ZNF385B: variants seen among roughly 807,000 people sequenced by gnomAD.
The protein encoded by ZNF385B is zinc finger protein 533.
A neutral mutation model predicts 39.2 loss-of-function variants in ZNF385B; 23 were observed. The observed-to-expected ratio is 0.59, with a 90% confidence interval of 0.42 to 0.83. ZNF385B has a LOEUF of 0.83. Ranked by LOEUF, ZNF385B falls within the 40% of genes least tolerant of loss-of-function variation. ZNF385B has a pLI of 0.00. For missense variants in ZNF385B, 552 were observed against 598.9 expected, an observed-to-expected ratio of 0.92 and a Z score of 0.82; for synonymous variants, 205 against 222.6, an observed-to-expected ratio of 0.92 and a Z score of 0.70.
intron 5 of ZNF385B, among the ~76,000 whole-genome samples, chr2:179,514,417 C>A (rs934084364): frequency 6.6e-6 from 1 of 152,230 alleles, no homozygotes; most frequent in Non-Finnish European, 1.5e-5. Context: ...TTAATTCCAT[C>A]TACTACCTTA....
chr2:179,473,609 G>T (rs2053065139), intron 6 of ZNF385B, among the ~76,000 whole-genome samples: 1 of 152,222 alleles, frequency 6.6e-6, no homozygotes, highest in African/African-American at 2.4e-5. Context: ...GTGCCATGGT[G>T]GTTTGCTGCA....
chr2:179,453,870 C>T (rs2050404720), intron 6 of ZNF385B, among the ~76,000 whole-genome samples: 1 of 152,102 alleles, frequency 6.6e-6, no homozygotes, highest in African/African-American at 2.4e-5. Flanking sequence ...CACACATTGT[C>T]CCTGAGAGAG....
intron 3 of ZNF385B, among the ~76,000 whole-genome samples, chr2:179,599,519 GTTTTTAT>G (rs1173508217): frequency 1.3e-5 from 2 of 152,122 alleles, no homozygotes; most frequent in East Asian, 3.9e-4. Context: ...AAATAAGAAT[GTTTTTAT>G]AGTTTTATGT....
chr2:179,467,047 T>C (rs1467032688), intron 6 of ZNF385B, among the ~76,000 whole-genome samples: 1 of 151,778 alleles, frequency 6.6e-6, no homozygotes, highest in African/African-American at 2.4e-5. Flanking sequence ...CCCTACTCTT[T>C]AGGTAATAGA....
intron 3 of ZNF385B, among the ~76,000 whole-genome samples, chr2:179,574,517 T>C (rs1463740366): frequency 2.0e-5 from 3 of 152,138 alleles, no homozygotes; most frequent in African/African-American, 7.2e-5. Context: ...GAATAAACAA[T>C]GATAAAATCT....
At chr2:179,648,140 T>TG (rs933004198) in intron 3 of ZNF385B, among the ~76,000 whole-genome samples, 5 of 151,796 alleles carry the variant, frequency 3.3e-5, no homozygotes, top group African/African-American at 1.2e-4. Context: ...CAGCTTGCCA[T>TG]GGGGTATTGG....
At chr2:179,825,790 A>T (rs1707646330) in intron 1 of ZNF385B, among the ~76,000 whole-genome samples, 1 of 152,124 alleles carries the variant, frequency 6.6e-6, no homozygotes, top group Non-Finnish European at 1.5e-5. Flanking sequence ...CGCCATTTTC[A>T]AGGAAATGAG....
intron 3 of ZNF385B, among the ~76,000 whole-genome samples, chr2:179,743,400 A>G (rs940944658): frequency 6.6e-6 from 1 of 152,082 alleles, no homozygotes; most frequent in Admixed American, 6.6e-5. Flanking sequence ...CTGTATTTCA[A>G]TAATATTTTA....
At chr2:179,560,050 C>T (rs965950505) in intron 3 of ZNF385B, among the ~76,000 whole-genome samples, 1 of 152,038 alleles carries the variant, frequency 6.6e-6, no homozygotes, top group Non-Finnish European at 1.5e-5. Flanking sequence ...TTTCATTTAA[C>T]GTAATGTCTT....
intron 3 of ZNF385B, among the ~76,000 whole-genome samples, chr2:179,627,411 C>A (rs1164057687): frequency 6.6e-6 from 1 of 152,160 alleles, no homozygotes; most frequent in Admixed American, 6.5e-5. Flanking sequence ...TAATCCTTGT[C>A]TTGATGTAGT....
intron 3 of ZNF385B, among the ~76,000 whole-genome samples, chr2:179,696,325 A>ATTTTTTTTTTTTTTTTTT (rs1333224792): frequency 1.6e-3 from 16 of 9,830 alleles, no homozygotes; most frequent in Admixed American, 2.5e-3. Flanking sequence ...ACAAACTGGG[A>ATTTTTTTTTTTTTTTTTT]CTTTTTTTTT....
At chr2:179,850,443 T>C (rs1350987220) in intron 1 of ZNF385B, among the ~76,000 whole-genome samples, 1 of 152,192 alleles carries the variant, frequency 6.6e-6, no homozygotes, top group Non-Finnish European at 1.5e-5. Context: ...CATATTGAGT[T>C]GAAATTTGCC....
chr2:179,781,141 C>A (rs1019663416), intron 1 of ZNF385B, among the ~76,000 whole-genome samples: 1 of 152,184 alleles, frequency 6.6e-6, no homozygotes, highest in African/African-American at 2.4e-5. Context: ...AAACTGACAA[C>A]ATGATTCTGA....
chr2:179,707,635 C>G (rs1188469264), intron 3 of ZNF385B, among the ~76,000 whole-genome samples: 2 of 152,198 alleles, frequency 1.3e-5, no homozygotes, highest in African/African-American at 4.8e-5. Context: ...CCTAAGTGCC[C>G]TGGTAGGACA....
intron 3 of ZNF385B, among the ~76,000 whole-genome samples, chr2:179,631,867 C>CAAA (rs35389771): frequency 1.1e-4 from 16 of 151,184 alleles, no homozygotes; most frequent in Admixed American, 8.6e-4. Context: ...CAAAAACAAA[C>CAAA]AAAAAAAACA....
chr2:179,609,788 T>C (rs539206663), intron 3 of ZNF385B, among the ~76,000 whole-genome samples: 3 of 152,202 alleles, frequency 2.0e-5, no homozygotes, highest in Non-Finnish European at 2.9e-5. Context: ...AGATATTTCA[T>C]TGCAGTTTTG....
rs188556252 is a variant in ZNF385B at position 179,546,664 on chromosome 2, G to A, written c.299-1695C>T. On this transcript the variant is annotated intron_variant, in intron 3 of 9. Transcript: ENST00000410066. Reference sequence around the variant, plus strand: ...TTTGCTTCCAAATCTTGGCTATTGTGAATAGTGTTGCTATAAACTTGGGAG... The same window carrying A: ...TTTGCTTCCAAATCTTGGCTATTGTAAATAGTGTTGCTATAAACTTGGGAG... Among the ~76,000 whole-genome samples, 6 of 152,270 alleles carry A rather than the reference G, an allele frequency of 3.9e-5. No homozygotes were observed. In the East Asian group the frequency reaches 9.6e-4, roughly 24 times the overall value.
intron 3 of ZNF385B, among the ~76,000 whole-genome samples, chr2:179,760,393 C>A (rs1703310791): frequency 6.6e-6 from 1 of 152,126 alleles, no homozygotes; most frequent in South Asian, 2.1e-4. Context: ...TACAATTTTG[C>A]TATTTCAGAA....
intron 5 of ZNF385B, among the ~76,000 whole-genome samples, chr2:179,502,164 C>G (rs935885601): frequency 2.0e-5 from 3 of 152,128 alleles, no homozygotes; most frequent in Non-Finnish European, 4.4e-5. Context: ...TTAAAAATAA[C>G]TAACTTGTTT....
Sources: gnomAD v4.1 joint callset for allele counts (sites outside exome capture counted in the v4.1 genomes callset) on GRCh38, gnomAD v4.1.1 for gene constraint, MANE v1.5 for transcripts, NCBI Gene and HGNC (gene_info 2026-07-23, HGNC 2026-07-21) for gene names.